PLCB1: variants seen among roughly 807,000 people sequenced by gnomAD.
PLCB1 encodes the protein phospholipase C beta 1.
Under a neutral mutation model 161.8 loss-of-function variants are expected in PLCB1, and 46 were observed. The observed-to-expected ratio is 0.28, with a 90% CI of 0.22 to 0.36. The LOEUF is 0.36. Ranked by LOEUF, PLCB1 falls within the 10% of genes least tolerant of loss-of-function variation. The pLI is 1.00. For missense variants in PLCB1, 1,016 were observed against 1,472.5 expected, an observed-to-expected ratio of 0.69 and a Z score of 5.07; for synonymous variants, 517 against 503.7, an observed-to-expected ratio of 1.03 and a Z score of -0.35.
At chr20:8,172,137 A>C (rs1213017755) in intron 2 of PLCB1, among the ~76,000 whole-genome samples, 1 of 152,152 alleles carries the variant, frequency 6.6e-6, no homozygotes, top group Non-Finnish European at 1.5e-5. Flanking sequence ...TTGAGCATCT[A>C]CTAAGTGTTA....
In PLCB1 at chr20:8,770,258, A is replaced by G. The variant is rs539407755; in HGVS notation, c.2931-4281A>G. 4.6e-5 allele frequency among the ~76,000 whole-genome samples: 7 copies of G among 152,154 alleles called. No individual in the cohort carries two copies. In the South Asian group the frequency reaches 1.4e-3, roughly 32 times the overall value. ...TGAGCCACCACGCCCAGCCAAAATC[A>G]TCATTTCTTAAGCCTGGAGGATCCT... On this transcript the variant is annotated intron_variant, in intron 26 of 31. Coordinates refer to ENST00000338037, the MANE Select transcript of PLCB1 (RefSeq NM_015192.4).
At chr20:8,376,731 A>G (rs1987096830) in intron 3 of PLCB1, among the ~76,000 whole-genome samples, 2 of 152,108 alleles carry the variant, frequency 1.3e-5, no homozygotes, top group African/African-American at 4.8e-5. Context: ...GATCGAGACC[A>G]TCCTGGCTAA....
chr20:8,510,788 T>G (rs2122848808), intron 3 of PLCB1, among the ~76,000 whole-genome samples: 1 of 152,336 alleles, frequency 6.6e-6, no homozygotes, highest in Middle Eastern at 3.4e-3. Flanking sequence ...AAACTTTAAT[T>G]ACTACTTCTG....
At position 8,394,551 on chromosome 20, in the gene PLCB1, G is replaced by T. The variant is rs545342724; in HGVS notation, c.246+23101G>T. ...TTACTCATGTGGTCACAATCAAGTT[G>T]CTTAACTTCATGTCTTGCTTTCTTC... On this transcript the variant is annotated intron_variant, in intron 3 of 31. Transcript: ENST00000338037. Among the ~76,000 whole-genome samples, 172 of 152,188 alleles carry T rather than the reference G, an allele frequency of 1.1e-3. 1 individual carries two copies. The highest frequency in any genetic ancestry group is 4.0e-3 in the African/African-American group (168 of 41,516).
intron 2 of PLCB1, among the ~76,000 whole-genome samples, chr20:8,243,730 A>T (rs1434768616): frequency 6.6e-6 from 1 of 151,980 alleles, no homozygotes; most frequent in African/African-American, 2.4e-5. Context: ...AGAGATCAAG[A>T]ATATTTTCCT....
chr20:8,187,834 CTACATATTTGG>C (rs2123103190), intron 2 of PLCB1, among the ~76,000 whole-genome samples: 1 of 152,206 alleles, frequency 6.6e-6, no homozygotes, highest in Admixed American at 6.5e-5. Context: ...CATAGGACCA[CTACATATTTGG>C]TGGTGGTGGT....
At chr20:8,276,594 AT>A (rs1385126847) in intron 2 of PLCB1, among the ~76,000 whole-genome samples, 1 of 152,090 alleles carries the variant, frequency 6.6e-6, no homozygotes, top group African/African-American at 2.4e-5. Flanking sequence ...CTTAAATGAG[AT>A]TTTTGCATAA....
At chr20:8,521,070 A>C (rs765557547) in intron 3 of PLCB1, among the ~76,000 whole-genome samples, 3 of 152,190 alleles carry the variant, frequency 2.0e-5, no homozygotes, top group Non-Finnish European at 2.9e-5. Flanking sequence ...GCTCATCCCA[A>C]GTACTCTTGA....
intron 20 of PLCB1, among the ~76,000 whole-genome samples, chr20:8,738,945 T>C (rs1980724754): frequency 6.6e-6 from 1 of 151,958 alleles, no homozygotes; most frequent in South Asian, 2.1e-4. Context: ...AGGTCGGGAG[T>C]TCGAGACCAG....
At chr20:8,343,112 A>C (rs923816038) in intron 2 of PLCB1, among the ~76,000 whole-genome samples, 1 of 152,206 alleles carries the variant, frequency 6.6e-6, no homozygotes, top group Admixed American at 6.5e-5. Flanking sequence ...TTCATCTCCT[A>C]GTCCACTTTT....
At chr20:8,589,145 G>T (rs183806683) in intron 3 of PLCB1, among the ~76,000 whole-genome samples, 183 of 152,260 alleles carry the variant, frequency 1.2e-3, no homozygotes, top group Non-Finnish European at 2.3e-3. Flanking sequence ...GGGCTTAGTT[G>T]TGCACTTCTC....
intron 10 of PLCB1, among the ~76,000 whole-genome samples, chr20:8,688,321 G>A (rs951354326): frequency 2.6e-5 from 4 of 152,116 alleles, no homozygotes; most frequent in African/African-American, 9.7e-5. Flanking sequence ...CTTTTGCTGT[G>A]CAAAAGCTCT....
intron 3 of PLCB1, among the ~76,000 whole-genome samples, chr20:8,443,285 G>A (rs1261628598): frequency 6.6e-6 from 1 of 152,064 alleles, no homozygotes; most frequent in African/African-American, 2.4e-5. Flanking sequence ...TGGCCATCTC[G>A]TGAGTTTTAA....
intron 3 of PLCB1, among the ~76,000 whole-genome samples, chr20:8,425,658 T>C (rs1184085750): frequency 1.3e-5 from 2 of 152,170 alleles, no homozygotes; most frequent in African/African-American, 4.8e-5. Flanking sequence ...AATCATGTTA[T>C]CTTCCTTAAA....
intron 2 of PLCB1, among the ~76,000 whole-genome samples, chr20:8,152,201 A>G (rs1018931182): frequency 7.6e-4 from 115 of 152,284 alleles, no homozygotes; most frequent in African/African-American, 2.6e-3. Flanking sequence ...CACTTTCTAA[A>G]TGCCAAAGTC....
intron 25 of PLCB1, among the ~76,000 whole-genome samples, chr20:8,762,515 T>A (rs6077418): frequency 0.34 from 51,073 of 152,128 alleles, 9,069 homozygotes; most frequent in East Asian, 0.51. Context: ...GGTTAGAACA[T>A]CTAGAGCCTT....
rs192526057 is a variant in PLCB1 at position 8,751,835 on chromosome 20, C to G, written c.2524-5211C>G. The G allele has an allele frequency of 1.4e-4, 21 of 152,232 alleles. No homozygotes were observed. The East Asian group carries it at 3.9e-3, about 28-fold the overall frequency. The allele number at this position is 152,232 out of a possible 1,614,324, so 9.4% of individuals were successfully genotyped here. On this transcript the variant is annotated intron_variant, in intron 23 of 31. Coordinates refer to ENST00000338037, the MANE Select transcript of PLCB1 (RefSeq NM_015192.4). Reference sequence around the variant, plus strand: ...AACTAGACATTCCTAGTTTCTGTTTCTATCACAATTTCCAGTACCAGATTT... The same window carrying G: ...AACTAGACATTCCTAGTTTCTGTTTGTATCACAATTTCCAGTACCAGATTT...
chr20:8,263,420 C>G (rs966686122), intron 2 of PLCB1, among the ~76,000 whole-genome samples: 2 of 152,138 alleles, frequency 1.3e-5, no homozygotes, highest in African/African-American at 4.8e-5. Context: ...GTTATTTCCT[C>G]AAATATGACA....
chr20:8,868,025 A>G (rs1488636733), intron 31 of PLCB1, among the ~76,000 whole-genome samples: 1 of 152,184 alleles, frequency 6.6e-6, no homozygotes, highest in Non-Finnish European at 1.5e-5. Context: ...GCAATTTACT[A>G]GGTTGGTTAT....
Sources: allele counts gnomAD v4.1 joint callset (sites outside exome capture counted in the v4.1 genomes callset), GRCh38; gene constraint gnomAD v4.1.1; transcripts MANE v1.5; gene names NCBI Gene and HGNC (gene_info 2026-07-23, HGNC 2026-07-21).